Variants in NME7 observed in about 807,000 individuals in gnomAD.
NME7 encodes the protein NME/NM23 family member 7, also known as nucleoside diphosphate kinase 7.
A neutral mutation model predicts 49.1 loss-of-function variants in NME7; 41 were observed. That is an observed-to-expected ratio of 0.83 (90% CI 0.65 to 1.08). The LOEUF (loss-of-function observed/expected upper bound fraction) is 1.08, where lower values mean the gene tolerates loss of function less well. Among genes scored for constraint, NME7 ranks in the 50% least tolerant of loss-of-function variants. The pLI is 0.00. For synonymous variants in NME7, 139 were observed against 150.6 expected, an observed-to-expected ratio of 0.92 and a Z score of 0.56; for missense variants, 423 against 463.4, an observed-to-expected ratio of 0.91 and a Z score of 0.80.
chr1:169,182,062 A>G (rs1201751375), intron 10 of NME7, among the ~76,000 whole-genome samples: 1 of 151,670 alleles, frequency 6.6e-6, no homozygotes, highest in Non-Finnish European at 1.5e-5. Flanking sequence ...GCTGGACTAT[A>G]CAACTGCCTA....
At chr1:169,300,057 A>G (rs1241152021) in intron 5 of NME7, among the ~76,000 whole-genome samples, 1 of 152,156 alleles carries the variant, frequency 6.6e-6, no homozygotes, top group Non-Finnish European at 1.5e-5. Context: ...GGCATGTAAC[A>G]ATATAGGGAA....
intron 7 of NME7, among the ~76,000 whole-genome samples, chr1:169,280,954 A>G (rs1278919909): frequency 6.6e-6 from 1 of 152,072 alleles, no homozygotes; most frequent in Non-Finnish European, 1.5e-5. Flanking sequence ...TTTTGGTTCC[A>G]TATGAAGTTT....
intron 11 of NME7, among the ~76,000 whole-genome samples, chr1:169,165,361 C>T (rs1659380079): frequency 6.6e-6 from 1 of 151,738 alleles, no homozygotes; most frequent in Admixed American, 6.6e-5. Context: ...TAAACTGAAG[C>T]CATACTTTCT....
intron 11 of NME7, among the ~76,000 whole-genome samples, chr1:169,159,922 C>T (rs1317535927): frequency 6.6e-6 from 1 of 152,158 alleles, no homozygotes; most frequent in African/African-American, 2.4e-5. Flanking sequence ...CTTCTCCACC[C>T]TACCTCCTAA....
intron 7 of NME7, among the ~76,000 whole-genome samples, chr1:169,280,500 C>T (rs1181265775): frequency 1.3e-5 from 2 of 148,754 alleles, no homozygotes; most frequent in African/African-American, 4.9e-5. Flanking sequence ...GTTGCCATTG[C>T]TTTTGGTGTT....
At chr1:169,336,418 C>G (rs563746859) in intron 1 of NME7, among the ~76,000 whole-genome samples, 5 of 152,054 alleles carry the variant, frequency 3.3e-5, no homozygotes, top group African/African-American at 4.8e-5. Context: ...TTGGTAGAGC[C>G]GAGTGGCCTG....
intron 9 of NME7, among the ~76,000 whole-genome samples, chr1:169,233,919 T>C (rs564179994): frequency 2.0e-5 from 3 of 151,890 alleles, no homozygotes; most frequent in Admixed American, 2.0e-4. Flanking sequence ...TCTCCCTCCT[T>C]TTTTTCCTTT....
chr1:169,251,572 T>TTTA lies in NME7; in HGVS notation c.755-13886_755-13885insTAA, dbSNP rs1553250311. On this transcript the variant is annotated intron_variant, in intron 7 of 11. Transcript: ENST00000367811. ...CTTTTTTTTTTTTTCTTTTTTTTTT[T>TTTA]ATTATACTTTAAGTTTTAGGGTACA... Among the ~76,000 whole-genome samples the TTTA allele has an allele frequency of 2.0e-4, 27 of 132,196 alleles. No individual in the cohort carries two copies. The East Asian group carries it at 4.0e-3, about 20-fold the overall frequency. The allele number at this position is 132,196 out of a possible 152,430, so 86.7% of individuals were successfully genotyped here.
At chr1:169,174,364 C>T (rs74125209) in intron 10 of NME7, among the ~76,000 whole-genome samples, 1,660 of 152,122 alleles carry the variant, frequency 0.011, 41 homozygotes, top group African/African-American at 0.038. Flanking sequence ...TTCAGTTCTC[C>T]ACAACACAGA....
At chr1:169,296,089 T>C (rs551114060) in intron 6 of NME7, among the ~76,000 whole-genome samples, 1 of 152,198 alleles carries the variant, frequency 6.6e-6, no homozygotes, top group African/African-American at 2.4e-5. Flanking sequence ...TTAAAAAAAA[T>C]TGATACTACT....
chr1:169,195,865 G>A (rs908324259), intron 10 of NME7, among the ~76,000 whole-genome samples: 2 of 151,536 alleles, frequency 1.3e-5, no homozygotes, highest in East Asian at 2.0e-4. Flanking sequence ...CAAAAAATAA[G>A]TGTGTTCAAT....
intron 10 of NME7, among the ~76,000 whole-genome samples, chr1:169,183,114 C>A (rs1263815356): frequency 1.3e-5 from 2 of 152,212 alleles, no homozygotes; most frequent in Admixed American, 6.5e-5. Flanking sequence ...ATTACTGTTT[C>A]ATCACAGATA....
intron 6 of NME7, among the ~76,000 whole-genome samples, chr1:169,292,571 G>A (rs951822691): frequency 6.6e-6 from 1 of 152,094 alleles, no homozygotes; most frequent in East Asian, 1.9e-4. Context: ...GAATCCCACA[G>A]TATACAGAAG....
rs10545228 is a variant in NME7, at chr1:169,232,912, C to CTTT, written c.889-2096_889-2094dup. On this transcript the variant is annotated intron_variant, in intron 9 of 11. Coordinates refer to ENST00000367811, the MANE Select transcript of NME7 (RefSeq NM_013330.5). The stretch of plus-strand genomic sequence containing the variant: ...TTTTTCCTTTCTGTTGTTTTCTTTT[C>CTTT]TTTTTTTTTTTTTTTTTTTTTTTTT... Among the ~76,000 whole-genome samples the CTTT allele has an allele frequency of 1.1e-3, 84 of 74,528 alleles. 1 individual carries two copies. Among genetic ancestry groups the CTTT allele is most frequent in the East Asian group, 7.3e-3 (17 of 2,338 alleles). 48.9% of individuals were successfully genotyped at this position (74,528 alleles called of 152,430 possible).
intron 10 of NME7, among the ~76,000 whole-genome samples, chr1:169,224,397 C>T (rs542535944): frequency 1.6e-4 from 25 of 152,326 alleles, no homozygotes; most frequent in South Asian, 8.3e-4. Flanking sequence ...ACTAGGTTGT[C>T]TTTCCAAGTC....
At chr1:169,252,863 G>C (rs1380611200) in intron 7 of NME7, among the ~76,000 whole-genome samples, 1 of 149,012 alleles carries the variant, frequency 6.7e-6, no homozygotes, top group Non-Finnish European at 1.5e-5. Context: ...TCAAAGATCA[G>C]ATAGTTGTAG....
At chr1:169,158,549 A>T (rs1268103513) in intron 11 of NME7, among the ~76,000 whole-genome samples, 1 of 152,082 alleles carries the variant, frequency 6.6e-6, no homozygotes, top group Non-Finnish European at 1.5e-5. Context: ...AGATATAAGG[A>T]GCTCATACCA....
At chr1:169,238,502 CA>C (rs1307134396) in intron 7 of NME7, among the ~76,000 whole-genome samples, 5 of 151,292 alleles carry the variant, frequency 3.3e-5, no homozygotes, top group African/African-American at 1.2e-4. Context: ...CACACACACA[CA>C]CACACACACA....
chr1:169,306,202 G>A (rs768185625), intron 4 of NME7, among the ~76,000 whole-genome samples: 2 of 152,120 alleles, frequency 1.3e-5, no homozygotes, highest in African/African-American at 2.4e-5. Context: ...TAAGAGTCTT[G>A]TATACTCTAT....
Sources: gnomAD v4.1 joint callset for allele counts (sites outside exome capture counted in the v4.1 genomes callset) on GRCh38, gnomAD v4.1.1 for gene constraint, MANE v1.5 for transcripts, NCBI Gene and HGNC (gene_info 2026-07-23, HGNC 2026-07-21) for gene names.